The following FOXO1 variants were observed in gnomAD, a reference collection of about 807,000 sequenced individuals.
FOXO1 encodes forkhead box protein O1.
Under a neutral mutation model 44.1 loss-of-function variants are expected in FOXO1, and 6 were observed. The observed-to-expected ratio is 0.14, with a 90% CI of 0.07 to 0.27. The LOEUF (loss-of-function observed/expected upper bound fraction) is 0.27. FOXO1 is among the 10% of genes least tolerant of loss of function. The pLI is 1.00. For synonymous variants in FOXO1, 380 were observed against 362.7 expected, an observed-to-expected ratio of 1.05 and a Z score of -0.54; for missense variants, 737 against 888.8, an observed-to-expected ratio of 0.83 and a Z score of 2.17.
chr13:40,629,003 C>T (rs57255954), intron 1 of FOXO1, among the ~76,000 whole-genome samples: 115 of 152,334 alleles, frequency 7.5e-4, no homozygotes, highest in African/African-American at 2.7e-3. Flanking sequence ...GGTGTCCCAC[C>T]TTTATGTGCC....
In FOXO1 at chr13:40,649,598, A is replaced by G. The variant is rs11147808; in HGVS notation, c.630+15985T>C. Among the ~76,000 whole-genome samples the G allele has an allele frequency of 1.1e-3, 163 of 152,322 alleles. 4 individuals carry two copies. The East Asian group carries it at 0.019, about 18-fold the overall frequency. On this transcript the variant is annotated intron_variant, in intron 1 of 2. Transcript: ENST00000379561. ...AGTAGGGTCCTCCTATATGTTCAGC[A>G]TTTTACATGACCCAAGATCATTTAC...
intron 1 of FOXO1, among the ~76,000 whole-genome samples, chr13:40,581,775 A>T (rs2137851602): frequency 6.6e-6 from 1 of 152,324 alleles, no homozygotes; most frequent in Middle Eastern, 3.4e-3. Context: ...TCTCAAAAAT[A>T]TCATGCTGAC....
intron 1 of FOXO1, among the ~76,000 whole-genome samples, chr13:40,628,544 T>A (rs757062177): frequency 6.6e-6 from 1 of 152,096 alleles, no homozygotes; most frequent in East Asian, 1.9e-4. Context: ...CCTCTTCAGC[T>A]TTTTTGTTCA....
At chr13:40,573,285 GC>G (rs1874617013) in intron 1 of FOXO1, among the ~76,000 whole-genome samples, 1 of 152,154 alleles carries the variant, frequency 6.6e-6, no homozygotes, top group Non-Finnish European at 1.5e-5. Flanking sequence ...TGTCAGAGGT[GC>G]CCACCAGGAC....
chr13:40,581,516 C>A (rs1426074837), intron 1 of FOXO1, among the ~76,000 whole-genome samples: 1 of 152,190 alleles, frequency 6.6e-6, no homozygotes, highest in Non-Finnish European at 1.5e-5. Flanking sequence ...TAAATTAAAA[C>A]AATTAACTTT....
chr13:40,643,809 T>C (rs1877430081), intron 1 of FOXO1, among the ~76,000 whole-genome samples: 1 of 148,576 alleles, frequency 6.7e-6, no homozygotes, highest in African/African-American at 2.6e-5. Flanking sequence ...GCTAATGCTA[T>C]TGCTGTATAA....
At chr13:40,620,351 C>G (rs1263017636) in intron 1 of FOXO1, 11 of 741,638 alleles carry the variant, frequency 1.5e-5, no homozygotes, top group Non-Finnish European at 2.6e-5. Flanking sequence ...GGGGCTTCTG[C>G]CGAATCATTT....
At position 40,648,403 on chromosome 13, in the gene FOXO1, A is replaced by G. The variant is rs563202420; in HGVS notation, c.630+17180T>C. 2.0e-5 allele frequency among the ~76,000 whole-genome samples: 3 copies of G among 152,338 alleles called. No homozygotes were observed. The South Asian group carries it at 6.2e-4, about 32-fold the overall frequency. On this transcript the variant is annotated intron_variant, in intron 1 of 2. Coordinates refer to ENST00000379561, the MANE Select transcript of FOXO1 (RefSeq NM_002015.4). ...ATACTTAGATGCAAAACAGTTCAAA[A>G]ACCCAAAAATGTCAAACTAGTCAAA...
chr13:40,625,687 C>A (rs1191179594), intron 1 of FOXO1, among the ~76,000 whole-genome samples: 1 of 150,812 alleles, frequency 6.6e-6, no homozygotes, highest in Non-Finnish European at 1.5e-5. Context: ...TAATTTTCCA[C>A]AGGGTGGGAA....
intron 1 of FOXO1, among the ~76,000 whole-genome samples, chr13:40,616,119 G>A (rs1191103618): frequency 6.6e-6 from 1 of 152,186 alleles, no homozygotes; most frequent in Non-Finnish European, 1.5e-5. Context: ...CAGCACTGCT[G>A]ATAAACCGGA....
Position 40,560,316 on chromosome 13 carries a change from T to C in FOXO1, c.1175A>G (p.Gln392Arg). The C allele has an allele frequency of 6.2e-7, 1 of 1,614,168 alleles. No homozygotes were observed. The highest frequency in any genetic ancestry group is 8.5e-7 in the Non-Finnish European group (1 of 1,180,034). The change falls in exon 2 of 3, where the codon CAG becomes CGG. Residue 392 changes from glutamine (Q) to arginine (R), a missense_variant. Transcript: ENST00000379561. This position sits in a 1 kb window ranked among gnomAD's most constrained non-coding sequence, Gnocchi z 5.1. ...CTGCATCATGGTGCCAGGTGAGGAC[T>C]GGGTCGAAACAGTTAATGATGTTGG... ...SSPTSLTVST[Q>R]SSPGTMMQQT...
intron 1 of FOXO1, among the ~76,000 whole-genome samples, chr13:40,596,556 A>G (rs535710636): frequency 6.6e-6 from 1 of 152,334 alleles, no homozygotes; most frequent in South Asian, 2.1e-4. Context: ...CTCTTTCTCA[A>G]CTATAAAAGG....
At chr13:40,654,191 C>T (rs1877778212) in intron 1 of FOXO1, among the ~76,000 whole-genome samples, 1 of 151,550 alleles carries the variant, frequency 6.6e-6, no homozygotes, top group Non-Finnish European at 1.5e-5. Context: ...AGACAAACAT[C>T]ATCTGACCAG....
intron 1 of FOXO1, among the ~76,000 whole-genome samples, chr13:40,659,572 T>C (rs572488059): frequency 4.6e-5 from 7 of 151,852 alleles, no homozygotes; most frequent in Non-Finnish European, 1.0e-4. Flanking sequence ...AATTGTATGA[T>C]GAGGAGCTGC....
Position 40,558,896 on chromosome 13 carries a change from A to G in FOXO1, c.*153T>C. 2.5e-6 allele frequency: 1 copy of G among 397,840 alleles called. No individual in the cohort carries two copies. Among genetic ancestry groups the G allele is most frequent in the Non-Finnish European group, 4.4e-6 (1 of 225,918 alleles). The allele number at this position is 397,840 out of a possible 1,614,324, so 24.6% of individuals were successfully genotyped here. The stretch of plus-strand genomic sequence containing the variant: ...AAAAATGTCTTTGCTGCCAAGTCTG[A>G]CGAAAGGAAAAAAGGAGGGTTTTTT... On this transcript the variant is annotated 3_prime_UTR_variant, in exon 3 of 3. Coordinates refer to ENST00000379561, the MANE Select transcript of FOXO1 (RefSeq NM_002015.4).
intron 1 of FOXO1, among the ~76,000 whole-genome samples, chr13:40,661,775 A>T (rs1878044783): frequency 6.6e-6 from 1 of 152,202 alleles, no homozygotes; most frequent in Non-Finnish European, 1.5e-5. Flanking sequence ...CCTATAGATT[A>T]TACCCAAATT....
intron 1 of FOXO1, among the ~76,000 whole-genome samples, chr13:40,568,027 C>A (rs1199577236): frequency 6.6e-6 from 1 of 152,030 alleles, no homozygotes; most frequent in African/African-American, 2.4e-5. Flanking sequence ...TTCTTTATGG[C>A]AGGAATCCAT....
At chr13:40,576,990 G>C (rs1170950652) in intron 1 of FOXO1, among the ~76,000 whole-genome samples, 1 of 152,118 alleles carries the variant, frequency 6.6e-6, no homozygotes, top group African/African-American at 2.4e-5. Flanking sequence ...GGAAATAATG[G>C]CCTACAATGT....
intron 1 of FOXO1, among the ~76,000 whole-genome samples, chr13:40,565,180 C>T (rs1207420247): frequency 6.6e-6 from 1 of 152,188 alleles, no homozygotes; most frequent in African/African-American, 2.4e-5. Flanking sequence ...TTTAACCATC[C>T]ATTTGAGTAC....
Sources: gnomAD v4.1 joint callset for allele counts (sites outside exome capture counted in the v4.1 genomes callset) on GRCh38, gnomAD v4.1.1 for gene constraint, Gnocchi (gnomAD v3.1) non-coding constraint, MANE v1.5 for transcripts, NCBI Gene and HGNC (gene_info 2026-07-23, HGNC 2026-07-21) for gene names.